ANXA7: variants seen among roughly 807,000 people sequenced by gnomAD.
The protein encoded by ANXA7 is annexin VII.
Under a neutral mutation model 64.9 loss-of-function variants are expected in ANXA7, and 55 were observed. That is an observed-to-expected ratio of 0.85 (90% confidence interval 0.68 to 1.06). ANXA7 has a LOEUF of 1.06. Among genes scored for constraint, ANXA7 ranks in the 50% least tolerant of loss-of-function variants. ANXA7 has a pLI of 0.00. For synonymous variants in ANXA7, 200 were observed against 192.4 expected (o/e 1.04, Z -0.33); for missense variants, 548 against 582.1 (o/e 0.94, Z 0.60).
At chr10:73,383,405 T>A (rs1439071258) in intron 8 of ANXA7, 60 bp from the exon 9 acceptor site, 2 of 1,487,352 alleles carry the variant, frequency 1.3e-6, no homozygotes, top group African/African-American at 2.8e-5. Flanking sequence ...AGTAATTAAA[T>A]CTTCGTCAAA....
chr10:73,379,927 C>A lies in ANXA7; in HGVS notation c.1117G>T (p.Val373Leu). 1 of 1,614,226 alleles carries A rather than the reference C, an allele frequency of 6.2e-7. No individual in the cohort carries two copies. Among genetic ancestry groups the A allele is most frequent in the Non-Finnish European group, 8.5e-7 (1 of 1,180,036 alleles). The change falls in exon 11 of 13, where the codon GTG becomes TTG. Residue 373 changes from valine to leucine, a missense_variant. Val to Leu is a conservative substitution (Grantham distance 32, BLOSUM62 1). Transcript: ENST00000372921. ...ACATATCCGGAAAACTCACGGCTCA[C>A]ACTGCTTAACAAGTCTCGATTAGCC... ...RMANRDLLSS[V>L]SREFSGYVES...
At chr10:73,383,764 CA>C in intron 7 of ANXA7, 74 bp from the exon 8 acceptor site, 1 of 935,914 alleles carries the variant, frequency 1.1e-6, no homozygotes. Flanking sequence ...AAGGAAAATA[CA>C]AAAAAAGAAA....
chr10:73,406,484 AATC>A (rs1313807967), intron 1 of ANXA7, among the ~76,000 whole-genome samples: 10 of 152,226 alleles, frequency 6.6e-5, no homozygotes, highest in Non-Finnish European at 2.9e-5. Flanking sequence ...TCAGCTCAAA[AATC>A]ATCAATGACT....
intron 1 of ANXA7, chr10:73,408,300 A>AAAGAC (rs1215307439): frequency 1.3e-5 from 2 of 152,268 alleles, no homozygotes; most frequent in Non-Finnish European, 2.9e-5. Flanking sequence ...AGTTGAAAGA[A>AAAGAC]AAGACAAGAC....
chr10:73,412,392 C>A (rs1232491734), intron 1 of ANXA7, among the ~76,000 whole-genome samples: 1 of 151,988 alleles, frequency 6.6e-6, no homozygotes, highest in Non-Finnish European at 1.5e-5. Context: ...ATCATTTATT[C>A]AAGAGGCAGA....
chr10:73,395,951 TA>T, intron 5 of ANXA7: 1 of 825,122 alleles, frequency 1.2e-6, no homozygotes, highest in Non-Finnish European at 2.1e-6. Flanking sequence ...GGTGAGCCCT[TA>T]AGAAGTAGTG....
At chr10:73,393,923 A>G (rs1392984406) in intron 5 of ANXA7, among the ~76,000 whole-genome samples, 2 of 152,256 alleles carry the variant, frequency 1.3e-5, no homozygotes, top group Non-Finnish European at 2.9e-5. Flanking sequence ...TGAACAGGCA[A>G]CCTACAGAAT....
At chr10:73,400,743 T>A (rs2055647997) in intron 2 of ANXA7, 60 bp downstream of exon 2, 3 of 1,364,100 alleles carry the variant, frequency 2.2e-6, no homozygotes, top group Admixed American at 2.1e-5. Context: ...AGATCTGACA[T>A]GGGCCAGTCC....
rs16930543 is a variant in ANXA7, at chr10:73,387,599, A to G, written c.633+90T>C. 2,273 of 977,076 alleles carry G rather than the reference A, an allele frequency of 2.3e-3. 44 individuals carry two copies. The African/African-American group carries it at 0.031, about 13-fold the overall frequency. 60.5% of individuals were successfully genotyped at this position (977,076 alleles called of 1,614,324 possible). A position where few individuals can be genotyped will look rare whatever the true frequency, so the allele number is the denominator to read the frequency against. ...TCTAGTTGTCCCTCTTTTGCACCAC[A>G]GGTACTAATCAAAATATAGTATCCA... is the stretch of plus-strand genomic sequence containing the variant. On this transcript the variant is annotated intron_variant, in intron 7 of 12. Transcript: ENST00000372921.
intron 7 of ANXA7, among the ~76,000 whole-genome samples, chr10:73,387,001 T>C (rs1472615685): frequency 6.6e-6 from 1 of 152,040 alleles, no homozygotes; most frequent in Non-Finnish European, 1.5e-5. Flanking sequence ...AGGACACGTT[T>C]AGAGAAAGGG....
Position 73,379,905 on chromosome 10 carries a change from T to C in ANXA7, c.1139A>G (p.Tyr380Cys). 6.2e-7 allele frequency: 1 copy of C among 1,614,208 alleles called. No homozygotes were observed. ...GATGGTCTTCAAACCACTTTCTACA[T>C]ATCCGGAAAACTCACGGCTCACACT... ...LSSVSREFSGYVESGLKTILQ... is the reference protein window; with the variant it reads ...LSSVSREFSGCVESGLKTILQ... Residue 380 changes from tyrosine (Y) to cysteine (C), a missense_variant, in exon 11 of 13, where the codon TAT (tyrosine) becomes TGT (cysteine). Tyr to Cys is a radical substitution (Grantham distance 194). Coordinates refer to ENST00000372921, the MANE Select transcript of ANXA7 (RefSeq NM_001156.5).
At position 73,398,274 on chromosome 10, in the gene ANXA7, C is replaced by A; in HGVS notation, c.166G>T (p.Gly56Ter). Residue 56 changes from glycine (G) to a stop codon, truncating the protein, a stop_gained, in exon 3 of 13, where the codon GGA (glycine) becomes TGA (stop). Coordinates refer to ENST00000372921, the MANE Select transcript of ANXA7 (RefSeq NM_001156.5). LOFTEE classifies it high-confidence loss of function. ...CCAGGCGCAGGGTAGCCTCCAGCTC[C>A]TGGGTAGCCACTACTTGGCACTTGT... Reference protein sequence around the residue: ...YPQVPSSGYPGAGGYPAPGGY... With the variant: ...YPQVPSSGYP 6.2e-7 allele frequency: 1 copy of A among 1,614,092 alleles called. No homozygotes were observed. The highest frequency in any genetic ancestry group is 8.5e-7 in the Non-Finnish European group (1 of 1,180,022).
chr10:73,393,468 G>A (rs928686830), intron 5 of ANXA7, among the ~76,000 whole-genome samples: 1 of 152,140 alleles, frequency 6.6e-6, no homozygotes, highest in African/African-American at 2.4e-5. Context: ...ATACTACAAG[G>A]CTACAGTAAC....
intron 9 of ANXA7, 30 bp from the exon 10 acceptor site, chr10:73,380,231 A>T (rs776915647): frequency 4.4e-6 from 7 of 1,586,432 alleles, no homozygotes; most frequent in African/African-American, 1.4e-5. Context: ...GAATTGGAAG[A>T]AATAAATAAT....
intron 1 of ANXA7, among the ~76,000 whole-genome samples, chr10:73,413,693 C>A (rs997063803): frequency 6.6e-6 from 1 of 152,266 alleles, no homozygotes; most frequent in African/African-American, 2.4e-5. Context: ...TACTCAGCCT[C>A]CCGCGAGGCA....
intron 1 of ANXA7, among the ~76,000 whole-genome samples, chr10:73,404,322 A>G (rs1291163639): frequency 1.3e-5 from 2 of 152,322 alleles, no homozygotes; most frequent in African/African-American, 2.4e-5. Context: ...CTGTACCAGA[A>G]AGTTTGAAAG....
intron 5 of ANXA7, among the ~76,000 whole-genome samples, chr10:73,390,457 T>C (rs576813253): frequency 6.6e-6 from 1 of 152,232 alleles, no homozygotes; most frequent in South Asian, 2.1e-4. Flanking sequence ...CTAACAAATA[T>C]ACCTATAGTG....
At chr10:73,392,520 A>T (rs2132673567) in intron 5 of ANXA7, among the ~76,000 whole-genome samples, 1 of 152,334 alleles carries the variant, frequency 6.6e-6, no homozygotes, top group East Asian at 1.9e-4. Flanking sequence ...AGTTGGCTTC[A>T]TCCCTGGGAT....
At chr10:73,395,096 T>C (rs1554817409) in intron 5 of ANXA7, among the ~76,000 whole-genome samples, 4 of 152,292 alleles carry the variant, frequency 2.6e-5, no homozygotes, top group South Asian at 4.1e-4. Context: ...GGGAGGAGTA[T>C]CATTTACTGT....
Sources: gnomAD v4.1 joint callset for allele counts (sites outside exome capture counted in the v4.1 genomes callset) on GRCh38, gnomAD v4.1.1 for gene constraint, MANE v1.5 for transcripts, NCBI Gene and HGNC (gene_info 2026-07-23, HGNC 2026-07-21) for gene names.